The following GAL3ST3 variants were observed in gnomAD, a reference collection of about 807,000 sequenced individuals.
GAL3ST3 encodes the protein galactose-3-O-sulfotransferase 3, also known as beta-galactose-3-O-sulfotransferase 3.
Under a neutral mutation model 20.8 loss-of-function variants are expected in GAL3ST3, and 21 were observed. That is an observed-to-expected ratio of 1.01 (90% confidence interval 0.72 to 1.45). The LOEUF is 1.45. Among genes scored for constraint, GAL3ST3 ranks in the 40% most tolerant of loss-of-function variants. The pLI is 0.00. For missense variants in GAL3ST3, 739 were observed against 662.7 expected (o/e 1.12, Z -1.26); for synonymous variants, 355 against 307.2 (o/e 1.16, Z -1.63).
rs758131631 is a variant in GAL3ST3, at chr11:66,043,293, C to T, written c.510G>A (p.Pro170=). The T allele has an allele frequency of 3.7e-6, 6 of 1,612,070 alleles. No homozygotes were observed. Among genetic ancestry groups the T allele is most frequent in the Non-Finnish European group, 3.4e-6 (4 of 1,179,106 alleles). Residue 170 remains proline, a synonymous_variant, in exon 3 of 3, where the codon CCG becomes CCA. Transcript: ENST00000312006. ...AGGCGTTGGGTACGCGCCGGAAGGCCGGGCAGTACTGGTTGTAGTAGCTGA... is the reference window on the plus strand; with the variant it reads ...AGGCGTTGGGTACGCGCCGGAAGGCTGGGCAGTACTGGTTGTAGTAGCTGA... The part of the protein sequence containing the change: ...SLFSYYNQYC[P]AFRRVPNASL...
In GAL3ST3 at chr11:66,041,505, G is replaced by A. The variant is rs566205781; in HGVS notation, c.*1002C>T. On this transcript the variant is annotated 3_prime_UTR_variant, in exon 3 of 3. Transcript: ENST00000312006. ...CCATTAGTGAAGTCAGTGATTCACA[G>A]GAGGAGGTCAAATTCTGAGTTAGGC... Among the ~76,000 whole-genome samples the A allele has an allele frequency of 1.1e-3, 170 of 152,298 alleles. No homozygotes were observed. The highest frequency in any genetic ancestry group is 1.9e-3 in the Non-Finnish European group (131 of 68,020).
chr11:66,041,217 G>A lies in GAL3ST3; in HGVS notation c.*1290C>T, dbSNP rs76669894. Among the ~76,000 whole-genome samples, 2,237 of 152,240 alleles carry A rather than the reference G, an allele frequency of 0.015. 31 individuals carry two copies. The highest frequency in any genetic ancestry group is 0.051 in the African/African-American group (2,103 of 41,530). ...GTTTCAGTTCCCTCACCTGGAAAAC[G>A]GCACCCATCTCCAAAGTTAACATAC... is the stretch of plus-strand genomic sequence containing the variant. On this transcript the variant is annotated 3_prime_UTR_variant, in exon 3 of 3. Coordinates refer to ENST00000312006, the MANE Select transcript of GAL3ST3 (RefSeq NM_033036.3).
At position 66,043,517 on chromosome 11, in the gene GAL3ST3, G is replaced by T; in HGVS notation, c.286C>A (p.Leu96Met). 1 of 1,610,732 alleles carries T rather than the reference G, an allele frequency of 6.2e-7. No individual in the cohort carries two copies. Among genetic ancestry groups the T allele is most frequent in the South Asian group, 1.1e-5 (1 of 91,070 alleles). Residue 96 changes from leucine (L) to methionine (M), a missense_variant, in exon 3 of 3, where the codon CTG (leucine) becomes ATG (methionine). Transcript: ENST00000312006. ...TGGTGCTCGCAGCTCGGGTGCGGCA[G>T]GGCCACCGTCAGGTTGTGGCGCTCG... ...FAERHNLTVA[L>M]PHPSCEHQFC...
intron 2 of GAL3ST3, among the ~76,000 whole-genome samples, chr11:66,044,634 A>T (rs1378618597): frequency 1.3e-5 from 2 of 152,232 alleles, no homozygotes; most frequent in East Asian, 3.8e-4. Context: ...GGTGTCCACT[A>T]TGTGCCAGGT....
chr11:66,047,844 T>C (rs1856797853), intron 1 of GAL3ST3, among the ~76,000 whole-genome samples: 1 of 152,148 alleles, frequency 6.6e-6, no homozygotes, highest in Non-Finnish European at 1.5e-5. Flanking sequence ...ATGACAGACC[T>C]TCAGGTATTT....
Position 66,043,241 on chromosome 11 carries a change from C to T in GAL3ST3, c.562G>A (p.Glu188Lys), listed in dbSNP as rs554044347. ...ASLEAFLRAP[E>K]AYYRAGEHFA... is the part of the protein sequence containing the mutation. ...TGCTCGCCAGCGCGGTAGTATGCCT[C>T]GGGCGCGCGCAGGAAGGCCTCGAGC... The change falls in exon 3 of 3, where the codon GAG becomes AAG. Residue 188 changes from glutamate (E) to lysine (K), a missense_variant. By Grantham distance (56) the Glu-to-Lys change is moderately conservative. Transcript: ENST00000312006. 1 of 1,612,282 alleles carries T rather than the reference C, an allele frequency of 6.2e-7. No homozygotes were observed. Among genetic ancestry groups the T allele is most frequent in the East Asian group, 2.2e-5 (1 of 44,820 alleles).
intron 1 of GAL3ST3, among the ~76,000 whole-genome samples, chr11:66,046,045 A>C (rs1209881402): frequency 2.6e-5 from 4 of 152,214 alleles, no homozygotes; most frequent in Non-Finnish European, 5.9e-5. Flanking sequence ...TACTCTATGT[A>C]CTGTATTATT....
Position 66,043,470 on chromosome 11 carries a change from G to C in GAL3ST3, c.333C>G (p.Phe111Leu), listed in dbSNP as rs1284928069. 1 of 1,610,154 alleles carries C rather than the reference G, an allele frequency of 6.2e-7. No homozygotes were observed. Among genetic ancestry groups the C allele is most frequent in the African/African-American group, 1.3e-5 (1 of 74,864 alleles). ...TGGCCGGGTGCACGAAGTGCGCCGA[G>C]AAGTTGCGGGGGTAGCAGAACTGGT... ...CEHQFCYPRNFSAHFVHPATR... is the reference protein window; with the variant it reads ...CEHQFCYPRNLSAHFVHPATR... Residue 111 changes from phenylalanine (F) to leucine (L), a missense_variant, in exon 3 of 3, where the codon TTC becomes TTG. Coordinates refer to ENST00000312006, the MANE Select transcript of GAL3ST3 (RefSeq NM_033036.3).
rs1369098275 is a variant in GAL3ST3 at position 66,042,564 on chromosome 11, C to T, written c.1239G>A (p.Leu413=). 15 of 1,532,344 alleles carry T rather than the reference C, an allele frequency of 9.8e-6. No homozygotes were observed. Among genetic ancestry groups the T allele is most frequent in the Non-Finnish European group, 1.3e-5 (15 of 1,146,494 alleles). The allele number at this position is 1,532,344 out of a possible 1,614,324, so 94.9% of individuals were successfully genotyped here. A position where few individuals can be genotyped will look rare whatever the true frequency, so the allele number is the denominator to read the frequency against. Residue 413 remains leucine, a synonymous_variant, in exon 3 of 3, where the codon CTG becomes CTA. Coordinates refer to ENST00000312006, the MANE Select transcript of GAL3ST3 (RefSeq NM_033036.3). ...GGARARPEPV[L]DNPPPRPIRV... ...GGATGGGCCGAGGCGGGGGATTGTC[C>T]AGGACGGGCTCGGGCCGAGCCCGCG...
intron 2 of GAL3ST3, 168 bp downstream of exon 2, chr11:66,045,123 T>A: frequency 2.0e-6 from 1 of 487,954 alleles, no homozygotes; most frequent in Admixed American, 4.3e-5. Context: ...TTTGAGCAAG[T>A]CACTCAGCCC....
At chr11:66,048,100 G>C (rs749753525) in intron 1 of GAL3ST3, among the ~76,000 whole-genome samples, 10 of 152,136 alleles carry the variant, frequency 6.6e-5, no homozygotes, top group African/African-American at 1.2e-4. Flanking sequence ...CTGTGCTTTA[G>C]AGCAGTGGCC....
chr11:66,042,538 C>T lies in GAL3ST3; in HGVS notation c.1265G>A (p.Arg422Gln), dbSNP rs778335320. 2 of 1,502,088 alleles carry T rather than the reference C, an allele frequency of 1.3e-6. No homozygotes were observed. Among genetic ancestry groups the T allele is most frequent in the South Asian group, 1.3e-5 (1 of 79,480 alleles). 93.0% of individuals were successfully genotyped at this position (1,502,088 alleles called of 1,614,324 possible). Residue 422 changes from arginine (R) to glutamine (Q), a missense_variant, in exon 3 of 3, where the codon CGA becomes CAA. By Grantham distance (43) the Arg-to-Gln change is conservative. Coordinates refer to ENST00000312006, the MANE Select transcript of GAL3ST3 (RefSeq NM_033036.3). ...ACCTTGAGGGCCGCGAGGCAGCACT[C>T]GGATGGGCCGAGGCGGGGGATTGTC... ...VLDNPPPRPI[R>Q]VLPRGPQGP
intron 2 of GAL3ST3, 119 bp downstream of exon 2, chr11:66,045,172 G>T (rs1403764344): frequency 1.2e-6 from 1 of 822,488 alleles, no homozygotes; most frequent in Non-Finnish European, 1.8e-6. Flanking sequence ...GAGGCTGTGT[G>T]GCCCTAAAGG....
intron 2 of GAL3ST3, 44 bp from the exon 3 acceptor site, chr11:66,043,721 C>A (rs1856750393): frequency 2.6e-6 from 4 of 1,515,656 alleles, no homozygotes; most frequent in Non-Finnish European, 3.6e-6. Flanking sequence ...TGTGAGGGGG[C>A]TGCCGCTTGA....
chr11:66,045,607 C>T, intron 1 of GAL3ST3, 80 bp from the exon 2 acceptor site: 2 of 502,004 alleles, frequency 4.0e-6, no homozygotes, highest in Non-Finnish European at 6.7e-6. Flanking sequence ...GCAAAGAGCT[C>T]CAACAGGTGG....
chr11:66,043,388 G>T lies in GAL3ST3; in HGVS notation c.415C>A (p.Arg139Ser), dbSNP rs200393443. The change falls in exon 3 of 3, where the codon CGC becomes AGC. Residue 139 changes from arginine to serine, a missense_variant. Transcript: ENST00000312006. ...TAGACGGTGCTGGGCGGCATGAGGC[G>T]CTCCAGCTCCGCACGGTCGAAGCGC... ...HLRFDRAELERLMPPSTVYVT... is the reference protein window; with the variant it reads ...HLRFDRAELESLMPPSTVYVT... The T allele has an allele frequency of 3.1e-6, 5 of 1,609,878 alleles. No homozygotes were observed. In the East Asian group the frequency reaches 1.1e-4, roughly 36 times the overall value.
chr11:66,045,086 C>T (rs1471871805), intron 2 of GAL3ST3: 10 of 412,514 alleles, frequency 2.4e-5, no homozygotes, highest in Non-Finnish European at 3.9e-5. Context: ...GAGCTGGATT[C>T]GGATCTCAGC....
At position 66,043,513 on chromosome 11, in the gene GAL3ST3, G is replaced by A. The variant is rs1212717305; in HGVS notation, c.290C>T (p.Pro97Leu). Residue 97 changes from proline (P) to leucine (L), a missense_variant, in exon 3 of 3, where the codon CCG (proline) becomes CTG (leucine). Coordinates refer to ENST00000312006, the MANE Select transcript of GAL3ST3 (RefSeq NM_033036.3). ...GAACTGGTGCTCGCAGCTCGGGTGC[G>A]GCAGGGCCACCGTCAGGTTGTGGCG... ...AERHNLTVAL[P>L]HPSCEHQFCY... The A allele has an allele frequency of 6.8e-6, 11 of 1,610,580 alleles. No homozygotes were observed. Among genetic ancestry groups the A allele is most frequent in the Non-Finnish European group, 9.3e-6 (11 of 1,179,476 alleles).
intron 2 of GAL3ST3, 169 bp downstream of exon 2, chr11:66,045,122 G>C: frequency 2.1e-6 from 1 of 486,696 alleles, no homozygotes; most frequent in Non-Finnish European, 3.5e-6. Context: ...CTTTGAGCAA[G>C]TCACTCAGCC....
Sources: gnomAD v4.1 joint callset for allele counts (sites outside exome capture counted in the v4.1 genomes callset) on GRCh38, gnomAD v4.1.1 for gene constraint, MANE v1.5 for transcripts, NCBI Gene and HGNC (gene_info 2026-07-23, HGNC 2026-07-21) for gene names.